The following MDH2 variants were observed in gnomAD, a reference collection of about 807,000 sequenced individuals.
MDH2 encodes malate dehydrogenase, mitochondrial.
MDH2 carries 25 observed loss-of-function variants against 33.6 expected under a neutral mutation model. The observed-to-expected ratio is 0.74, with a 90% CI of 0.54 to 1.04. The LOEUF (loss-of-function observed/expected upper bound fraction) is 1.04. MDH2 is among the 50% of genes least tolerant of loss of function. The pLI is 0.00. For synonymous variants in MDH2, 193 were observed against 188.7 expected (o/e 1.02, Z -0.19); for missense variants, 432 against 445.0 (o/e 0.97, Z 0.26).
chr7:76,058,101 C>G, intron 4 of MDH2, 23 bp downstream of exon 4: 1 of 1,600,752 alleles, frequency 6.2e-7, no homozygotes, highest in Non-Finnish European at 8.5e-7. Context: ...GCACCCGGCT[C>G]TTGCAGCTAT....
intron 2 of MDH2, 75 bp from the exon 3 acceptor site, chr7:76,057,335 A>G: frequency 6.5e-7 from 1 of 1,532,370 alleles, no homozygotes; most frequent in Non-Finnish European, 8.9e-7. Context: ...AGTTGGCCTT[A>G]AGGCCAGGGC....
In MDH2 at chr7:76,060,077, C is replaced by T. The variant is rs116376150; in HGVS notation, c.430-296C>T. 9.9e-3 allele frequency among the ~76,000 whole-genome samples: 1,514 copies of T among 152,200 alleles called. 23 individuals are homozygous for T. Among genetic ancestry groups the T allele is most frequent in the African/African-American group, 0.035 (1,444 of 41,522 alleles). On this transcript the variant is annotated intron_variant, in intron 4 of 8. Coordinates refer to ENST00000315758, the MANE Select transcript of MDH2 (RefSeq NM_005918.4). ...GGAGTGGCCCTGCAGCTGTGAGTCC[C>T]GGCCGAGCAGAAGGTGATCCATGGA...
At chr7:76,064,572 T>A in intron 7 of MDH2, 134 bp downstream of exon 7, 1 of 971,616 alleles carries the variant, frequency 1.0e-6, no homozygotes, top group Non-Finnish European at 1.5e-6. Flanking sequence ...TGGTGGAAAA[T>A]CCCTGTGTGA....
At chr7:76,063,634 T>TC in intron 6 of MDH2, 42 bp downstream of exon 6, 2 of 1,584,996 alleles carry the variant, frequency 1.3e-6, no homozygotes, top group African/African-American at 2.7e-5. Context: ...AGGTCAGGAT[T>TC]CCCTTTACCA....
intron 2 of MDH2, among the ~76,000 whole-genome samples, chr7:76,055,828 A>AG (rs1797759571): frequency 9.7e-6 from 1 of 103,600 alleles, no homozygotes; most frequent in African/African-American, 3.2e-5. Context: ...GCATGTCACC[A>AG]AATTTTTTTT....
chr7:76,058,662 G>A (rs1195912633), intron 4 of MDH2, among the ~76,000 whole-genome samples: 4 of 152,168 alleles, frequency 2.6e-5, no homozygotes, highest in Admixed American at 1.3e-4. Context: ...TTTCCCTTTA[G>A]TCAGGAACTT....
intron 1 of MDH2, 140 bp downstream of exon 1, chr7:76,048,366 C>T: frequency 1.5e-6 from 2 of 1,294,824 alleles, no homozygotes; most frequent in South Asian, 1.6e-5. Context: ...GACTGTGGCG[C>T]CCGGGGCAGG....
At chr7:76,065,104 G>A in intron 8 of MDH2, 151 bp downstream of exon 8, 2 of 854,646 alleles carry the variant, frequency 2.3e-6, no homozygotes, top group South Asian at 3.5e-5. Flanking sequence ...GCACACCCGA[G>A]AAAAAAGAGC....
chr7:76,054,914 AGCC>A lies in MDH2; in HGVS notation c.155_157del (p.Arg52del). The stretch of plus-strand genomic sequence containing the variant: ...TCTCCTGAAGAACAGCCCCTTGGTG[AGCC>A]GCCTGACCCTCTATGATATCGCGCA... On this transcript the variant is annotated inframe_deletion, in exon 2 of 9. Coordinates refer to ENST00000315758, the MANE Select transcript of MDH2 (RefSeq NM_005918.4). 1 of 1,614,148 alleles carries A rather than the reference AGCC, an allele frequency of 6.2e-7. No homozygotes were observed. The highest frequency in any genetic ancestry group is 8.5e-7 in the Non-Finnish European group (1 of 1,180,028).
chr7:76,049,391 A>G (rs782733112), intron 1 of MDH2, among the ~76,000 whole-genome samples: 1 of 152,186 alleles, frequency 6.6e-6, no homozygotes, highest in Non-Finnish European at 1.5e-5. Context: ...GCCAACAACT[A>G]TGCTGGGTGC....
rs954546268 is a variant in MDH2, at chr7:76,066,360, C to T, written c.967C>T (p.Leu323=). The change falls in exon 9 of 9, where the codon CTG becomes TTG. Residue 323 remains leucine (L), a synonymous_variant. Transcript: ENST00000315758. ...GATGATCTCGGATGCCATCCCCGAG[C>T]TGAAGGCCTCCATCAAGAAGGGGGA... ...EKMISDAIPE[L]KASIKKGEDF... The T allele has an allele frequency of 1.2e-6, 2 of 1,609,870 alleles. No individual in the cohort carries two copies. Among genetic ancestry groups the T allele is most frequent in the Non-Finnish European group, 8.5e-7 (1 of 1,178,736 alleles).
At chr7:76,050,411 ACAT>A (rs1304647359) in intron 1 of MDH2, among the ~76,000 whole-genome samples, 4 of 152,244 alleles carry the variant, frequency 2.6e-5, no homozygotes, top group African/African-American at 9.6e-5. Context: ...AGCAGAGATC[ACAT>A]CATATGGAAA....
intron 1 of MDH2, among the ~76,000 whole-genome samples, chr7:76,049,509 G>C (rs1797531700): frequency 1.3e-5 from 2 of 152,040 alleles, no homozygotes; most frequent in Admixed American, 1.3e-4. Flanking sequence ...AGTAAACTTA[G>C]GACAGGTGGA....
chr7:76,053,797 G>A (rs2116658827), intron 1 of MDH2, among the ~76,000 whole-genome samples: 1 of 152,258 alleles, frequency 6.6e-6, no homozygotes, highest in South Asian at 2.1e-4. Context: ...TGTGAGTTTA[G>A]ATCAGAAACA....
chr7:76,048,593 G>A (rs1462605029), intron 1 of MDH2: 61 of 1,302,284 alleles, frequency 4.7e-5, no homozygotes, highest in Non-Finnish European at 5.9e-5. Context: ...TTGCTTTGAC[G>A]TAGCTAATCT....
Position 76,066,476 on chromosome 7 carries a change from A to T in MDH2, c.*66A>T. On this transcript the variant is annotated 3_prime_UTR_variant, in exon 9 of 9. Coordinates refer to ENST00000315758, the MANE Select transcript of MDH2 (RefSeq NM_005918.4). ...CATCATGTCACTGCAAAGCCGTTGC[A>T]GATAAACTTTGTATTTTAATTTGCT... 2.6e-6 allele frequency: 4 copies of T among 1,529,756 alleles called. No homozygotes were observed. The highest frequency in any genetic ancestry group is 3.5e-6 in the Non-Finnish European group (4 of 1,136,854). 94.8% of individuals were successfully genotyped at this position (1,529,756 alleles called of 1,614,324 possible). A position where few individuals can be genotyped will look rare whatever the true frequency, so the allele number is the denominator to read the frequency against.
chr7:76,058,952 GT>G (rs1224236005), intron 4 of MDH2, among the ~76,000 whole-genome samples: 1 of 152,172 alleles, frequency 6.6e-6, no homozygotes, highest in Non-Finnish European at 1.5e-5. Flanking sequence ...ATGGCATGCA[GT>G]TTTTTTGTTT....
chr7:76,058,982 C>T lies in MDH2; in HGVS notation c.429+904C>T, dbSNP rs529683539. ...TTTGTTTGTTTGTTTTTGGCTCTGT[C>T]GCCCAGGCCAGTGTGCAGTGGTGCG... On this transcript the variant is annotated intron_variant, in intron 4 of 8. Coordinates refer to ENST00000315758, the MANE Select transcript of MDH2 (RefSeq NM_005918.4). 3.9e-5 allele frequency among the ~76,000 whole-genome samples: 6 copies of T among 152,308 alleles called. No individual in the cohort carries two copies. The South Asian group carries it at 8.3e-4, about 21-fold the overall frequency.
intron 1 of MDH2, among the ~76,000 whole-genome samples, chr7:76,049,798 A>G (rs1554585098): frequency 6.6e-6 from 1 of 152,000 alleles, no homozygotes; most frequent in Non-Finnish European, 1.5e-5. Context: ...AAAAATGGGG[A>G]TTGTAGGGTG....
Sources: allele counts gnomAD v4.1 joint callset (sites outside exome capture counted in the v4.1 genomes callset), GRCh38; gene constraint gnomAD v4.1.1; transcripts MANE v1.5; gene names NCBI Gene and HGNC (gene_info 2026-07-23, HGNC 2026-07-21).